TSG101: variants seen among roughly 807,000 people sequenced by gnomAD.
The protein encoded by TSG101 is tumor susceptibility gene 101 protein.
A neutral mutation model predicts 48.5 loss-of-function variants in TSG101; 19 were observed. The observed-to-expected ratio is 0.39, with a 90% CI of 0.27 to 0.58. The LOEUF (loss-of-function observed/expected upper bound fraction) is 0.58, where lower values mean the gene tolerates loss of function less well. TSG101 is among the 20% of genes least tolerant of loss of function. The probability of loss-of-function intolerance (pLI) is 0.55; values close to 1 mark genes in which losing one functional copy is unlikely to be tolerated. For missense variants in TSG101, 365 were observed against 484.4 expected, an observed-to-expected ratio of 0.75 and a Z score of 2.31; for synonymous variants, 174 against 169.4, an observed-to-expected ratio of 1.03 and a Z score of -0.21.
intron 3 of TSG101, among the ~76,000 whole-genome samples, chr11:18,515,741 G>A (rs1286434770): frequency 1.3e-5 from 2 of 152,192 alleles, no homozygotes; most frequent in East Asian, 1.9e-4. Context: ...ACTCTGTCCT[G>A]ACTTTGAAGC....
intron 7 of TSG101, among the ~76,000 whole-genome samples, chr11:18,498,308 A>G (rs1308120514): frequency 6.6e-6 from 1 of 152,194 alleles, no homozygotes; most frequent in Non-Finnish European, 1.5e-5. Flanking sequence ...TGAGCAGAGG[A>G]GTGATACAAT....
rs781530949 is a variant in TSG101, at chr11:18,526,839, T to TCC, written c.-25_-24dup. ...CATGACGGCCGCCTGGCGACTCCCT[T>TCC]CCCCGCAGGCAGAGGGTCAGCCGCT... On this transcript the variant is annotated 5_prime_UTR_variant, in exon 1 of 10. Transcript: ENST00000251968. The TCC allele has an allele frequency of 1.3e-6, 2 of 1,598,092 alleles. No homozygotes were observed. The highest frequency in any genetic ancestry group is 1.7e-6 in the Non-Finnish European group (2 of 1,178,022).
intron 8 of TSG101, 37 bp downstream of exon 8, chr11:18,483,833 C>T (rs1849581764): frequency 1.2e-6 from 2 of 1,609,374 alleles, no homozygotes; most frequent in Non-Finnish European, 1.7e-6. Context: ...GGCTACAATT[C>T]AATCCAAAAA....
chr11:18,510,178 T>C (rs1346417211), intron 4 of TSG101, among the ~76,000 whole-genome samples: 1 of 152,208 alleles, frequency 6.6e-6, no homozygotes, highest in African/African-American at 2.4e-5. Flanking sequence ...CCCAGCACTT[T>C]GGGAGGCCAA....
chr11:18,516,557 G>C (rs1347693654), intron 2 of TSG101, among the ~76,000 whole-genome samples: 7 of 152,092 alleles, frequency 4.6e-5, no homozygotes, highest in Non-Finnish European at 7.4e-5. Flanking sequence ...TGTTGGCTAG[G>C]CTGGTCTCGA....
chr11:18,518,874 T>C (rs555075746), intron 2 of TSG101, among the ~76,000 whole-genome samples: 11 of 152,320 alleles, frequency 7.2e-5, no homozygotes, highest in South Asian at 6.2e-4. Context: ...AGCTTAACTA[T>C]AGAATTCTGC....
intron 7 of TSG101, chr11:18,490,197 G>C: frequency 4.9e-6 from 2 of 409,372 alleles, no homozygotes; most frequent in Admixed American, 2.9e-5. Flanking sequence ...GGAGGGTACA[G>C]AGTGACATTG....
At chr11:18,505,418 G>A (rs1849953706) in intron 6 of TSG101, among the ~76,000 whole-genome samples, 1 of 151,960 alleles carries the variant, frequency 6.6e-6, no homozygotes, top group South Asian at 2.1e-4. Flanking sequence ...ACCATGCCTG[G>A]CTAATTTTAA....
At chr11:18,517,403 T>C (rs1231207445) in intron 2 of TSG101, among the ~76,000 whole-genome samples, 1 of 152,234 alleles carries the variant, frequency 6.6e-6, no homozygotes, top group Non-Finnish European at 1.5e-5. Flanking sequence ...GCACATAGTT[T>C]GTATTGGACA....
chr11:18,521,853 A>G (rs761098846), intron 1 of TSG101, among the ~76,000 whole-genome samples: 13 of 151,480 alleles, frequency 8.6e-5, no homozygotes, highest in Admixed American at 2.6e-4. Context: ...ATTTTTGTAT[A>G]TTTTTGATAG....
At chr11:18,493,096 A>G (rs564053217) in intron 7 of TSG101, among the ~76,000 whole-genome samples, 55 of 152,314 alleles carry the variant, frequency 3.6e-4, no homozygotes, top group African/African-American at 1.3e-3. Context: ...CTTTTTACTC[A>G]AGCAGAGTCA....
intron 5 of TSG101, chr11:18,507,740 T>C (rs1849998820): frequency 1.3e-5 from 2 of 152,108 alleles, no homozygotes; most frequent in South Asian, 4.1e-4. Flanking sequence ...AACAATAGTA[T>C]GGTCTCTTTC....
At chr11:18,525,489 T>C (rs1242190307) in intron 1 of TSG101, among the ~76,000 whole-genome samples, 2 of 134,922 alleles carry the variant, frequency 1.5e-5, no homozygotes, top group African/African-American at 5.8e-5. Flanking sequence ...GAGATTGCAG[T>C]GAGCCAAGAT....
At chr11:18,483,784 G>T in intron 8 of TSG101, 86 bp downstream of exon 8, 2 of 1,413,268 alleles carry the variant, frequency 1.4e-6, no homozygotes, top group Non-Finnish European at 2.0e-6. Context: ...CTCCTACTAT[G>T]CCCACAACAT....
chr11:18,512,947 C>T (rs1254653479), intron 4 of TSG101, among the ~76,000 whole-genome samples: 1 of 151,722 alleles, frequency 6.6e-6, no homozygotes. Flanking sequence ...AGGCTCGTCT[C>T]AAACTTCTGG....
At position 18,506,193 on chromosome 11, in the gene TSG101, A is replaced by G. The variant is rs143673185; in HGVS notation, c.548+664T>C. ...AGGAGTTTCTTTCAATCTACAGAAA[A>G]GCAGCTCCTGGGCTGCATTTTTATT... is the stretch of plus-strand genomic sequence containing the variant. On this transcript the variant is annotated intron_variant, in intron 6 of 9. Transcript: ENST00000251968. 1.4e-3 allele frequency among the ~76,000 whole-genome samples: 213 copies of G among 152,176 alleles called. 1 individual carries two copies. Among genetic ancestry groups the G allele is most frequent in the African/African-American group, 4.7e-3 (194 of 41,514 alleles).
intron 7 of TSG101, among the ~76,000 whole-genome samples, chr11:18,499,905 T>C (rs1229318786): frequency 6.6e-6 from 1 of 152,168 alleles, no homozygotes; most frequent in Non-Finnish European, 1.5e-5. Context: ...CATTGTTAAC[T>C]ATAGTCACCC....
At chr11:18,510,976 C>T (rs1249197517) in intron 4 of TSG101, 1 of 152,110 alleles carries the variant, frequency 6.6e-6, no homozygotes, top group African/African-American at 2.4e-5. Flanking sequence ...AAATATCTAC[C>T]AACCACTAAT....
intron 7 of TSG101, among the ~76,000 whole-genome samples, chr11:18,495,304 A>G (rs1849757525): frequency 6.6e-6 from 1 of 152,248 alleles, no homozygotes; most frequent in Non-Finnish European, 1.5e-5. Context: ...AACTACTGAA[A>G]GGTCAAACTG....
Sources: allele counts gnomAD v4.1 joint callset (sites outside exome capture counted in the v4.1 genomes callset), GRCh38; gene constraint gnomAD v4.1.1; transcripts MANE v1.5; gene names NCBI Gene and HGNC (gene_info 2026-07-23, HGNC 2026-07-21).